CTNNA2: variants seen among roughly 807,000 people sequenced by gnomAD.
CTNNA2 encodes the protein catenin alpha 2.
CTNNA2 carries 42 observed loss-of-function variants against 101.0 expected under a neutral mutation model. The observed-to-expected ratio is 0.42, with a 90% CI of 0.32 to 0.54. The LOEUF is 0.54. Among genes scored for constraint, CTNNA2 ranks in the 20% least tolerant of loss-of-function variants. The pLI, the probability that CTNNA2 is intolerant of heterozygous loss-of-function variation, is 0.14. For synonymous variants in CTNNA2, 450 were observed against 456.4 expected (o/e 0.99, Z 0.18); for missense variants, 871 against 1,223.1 (o/e 0.71, Z 4.29).
intron 3 of CTNNA2, among the ~76,000 whole-genome samples, chr2:79,336,644 C>T (rs1006244265): frequency 6.6e-6 from 1 of 152,048 alleles, no homozygotes; most frequent in African/African-American, 2.4e-5. Flanking sequence ...GTTGGATGCC[C>T]CATCTTCTCT....
chr2:80,344,211 C>T (rs961069393), intron 7 of CTNNA2, among the ~76,000 whole-genome samples: 1 of 152,148 alleles, frequency 6.6e-6, no homozygotes, highest in Admixed American at 6.5e-5. Context: ...TCTCCTCCTT[C>T]ATGGATTTCT....
intron 1 of CTNNA2, among the ~76,000 whole-genome samples, chr2:79,546,282 C>T (rs1673725830): frequency 6.6e-6 from 1 of 152,136 alleles, no homozygotes; most frequent in African/African-American, 2.4e-5. Context: ...GAGAATTTAG[C>T]ATCCTTAAAT....
chr2:79,893,977 A>T lies in CTNNA2; in HGVS notation c.853-15617A>T, dbSNP rs146640809. On this transcript the variant is annotated intron_variant, in intron 6 of 18. Transcript: ENST00000402739. ...CTAAATTGAGCATTTTTATTCTGTCAAGCTTAGGCTGTTTTCTTCTTCTTC... is the reference window on the plus strand; with the variant it reads ...CTAAATTGAGCATTTTTATTCTGTCTAGCTTAGGCTGTTTTCTTCTTCTTC... Among the ~76,000 whole-genome samples the T allele has an allele frequency of 4.6e-5, 7 of 150,712 alleles. No homozygotes were observed. In the East Asian group the frequency reaches 1.4e-3, roughly 30 times the overall value.
At chr2:80,253,493 T>C (rs1671917846) in intron 7 of CTNNA2, among the ~76,000 whole-genome samples, 1 of 152,152 alleles carries the variant, frequency 6.6e-6, no homozygotes, top group Admixed American at 6.6e-5. Flanking sequence ...ATCTTGCCTG[T>C]CCTCATCTTC....
At chr2:80,273,273 T>G (rs2149143349) in intron 7 of CTNNA2, among the ~76,000 whole-genome samples, 1 of 152,306 alleles carries the variant, frequency 6.6e-6, no homozygotes, top group East Asian at 1.9e-4. Flanking sequence ...TCGATTTTTC[T>G]TACATTCCAA....
At chr2:79,701,571 A>G (rs1685002795) in intron 2 of CTNNA2, among the ~76,000 whole-genome samples, 1 of 152,222 alleles carries the variant, frequency 6.6e-6, no homozygotes, top group Non-Finnish European at 1.5e-5. Flanking sequence ...GACTAGACAC[A>G]ATCTCACTGG....
intron 1 of CTNNA2, chr2:79,523,158 C>A: frequency 2.8e-6 from 1 of 361,828 alleles, no homozygotes; most frequent in Non-Finnish European, 5.5e-6. Flanking sequence ...TTTTGTGTAA[C>A]ATTGCATTTT....
At chr2:79,358,909 G>T (rs1426960253) in intron 3 of CTNNA2, among the ~76,000 whole-genome samples, 1 of 152,040 alleles carries the variant, frequency 6.6e-6, no homozygotes, top group Non-Finnish European at 1.5e-5. Flanking sequence ...GTTGCCAAAA[G>T]CTCTCTAACC....
chr2:79,532,626 A>T (rs1399640256), intron 1 of CTNNA2, among the ~76,000 whole-genome samples: 37 of 152,158 alleles, frequency 2.4e-4, no homozygotes, highest in Admixed American at 2.4e-3. Context: ...TTTTTGAATG[A>T]CATATTTTGG....
chr2:79,543,846 T>A (rs1219153129), intron 1 of CTNNA2, among the ~76,000 whole-genome samples: 1 of 152,192 alleles, frequency 6.6e-6, no homozygotes, highest in South Asian at 2.1e-4. Flanking sequence ...AAAGACTTTG[T>A]GATTTAAATT....
chr2:80,489,652 T>G, intron 9 of CTNNA2, among the ~76,000 whole-genome samples: 1 of 152,228 alleles, frequency 6.6e-6, no homozygotes, highest in East Asian at 1.9e-4. Context: ...TTGAATATTT[T>G]AATAGAACTG....
At chr2:80,487,583 T>G (rs1686694435) in intron 9 of CTNNA2, among the ~76,000 whole-genome samples, 1 of 152,156 alleles carries the variant, frequency 6.6e-6, no homozygotes, top group Admixed American at 6.5e-5. Flanking sequence ...GAGAATGGCA[T>G]GGAGATAACT....
At chr2:79,920,188 A>T (rs1164193900) in intron 7 of CTNNA2, among the ~76,000 whole-genome samples, 1 of 152,168 alleles carries the variant, frequency 6.6e-6, no homozygotes, top group African/African-American at 2.4e-5. Flanking sequence ...CTGCACTCCA[A>T]CCTAGGCAAT....
intron 3 of CTNNA2, among the ~76,000 whole-genome samples, chr2:79,845,905 C>T (rs60587253): frequency 0.031 from 4,684 of 152,216 alleles, 113 homozygotes; most frequent in East Asian, 0.12. Context: ...ATGGTGGTGA[C>T]GTGGGGACCT....
chr2:79,643,443 A>T (rs1680591627), intron 1 of CTNNA2, among the ~76,000 whole-genome samples: 1 of 152,166 alleles, frequency 6.6e-6, no homozygotes, highest in Non-Finnish European at 1.5e-5. Flanking sequence ...AATGAAAATT[A>T]TCCAACCCAC....
chr2:79,528,190 C>T (rs527888483), intron 1 of CTNNA2, among the ~76,000 whole-genome samples: 35 of 128,882 alleles, frequency 2.7e-4, no homozygotes, highest in African/African-American at 7.5e-4. Flanking sequence ...AATGGGTACA[C>T]GTTCTCTTTT....
chr2:79,591,880 T>A (rs1676872685), intron 1 of CTNNA2, among the ~76,000 whole-genome samples: 1 of 150,698 alleles, frequency 6.6e-6, no homozygotes, highest in Non-Finnish European at 1.5e-5. Context: ...GCTGTTTTAT[T>A]TTATCGGTTG....
At chr2:79,366,931 T>G (rs1052679898) in intron 3 of CTNNA2, among the ~76,000 whole-genome samples, 1 of 152,208 alleles carries the variant, frequency 6.6e-6, no homozygotes, top group Admixed American at 6.5e-5. Flanking sequence ...CACTGAGACA[T>G]TTAAACAGAA....
At position 80,640,259 on chromosome 2, in the gene CTNNA2, T is replaced by C. The variant is rs1239193628; in HGVS notation, c.2575-7326T>C. 2.0e-5 allele frequency among the ~76,000 whole-genome samples: 3 copies of C among 152,286 alleles called. No individual in the cohort carries two copies. The East Asian group carries it at 5.8e-4, about 29-fold the overall frequency. On this transcript the variant is annotated intron_variant, in intron 18 of 18. Coordinates refer to ENST00000402739, the MANE Select transcript of CTNNA2 (RefSeq NM_001282597.3). ...TTTTTTGGACAACCCTGTTAAAATG[T>C]CTGCTCTTGGGAGGTAAATAAGTTT...
Sources: gnomAD v4.1 joint callset for allele counts (sites outside exome capture counted in the v4.1 genomes callset) on GRCh38, gnomAD v4.1.1 for gene constraint, MANE v1.5 for transcripts, NCBI Gene and HGNC (gene_info 2026-07-23, HGNC 2026-07-21) for gene names.